ERG: variants seen among roughly 807,000 people sequenced by gnomAD.
The protein encoded by ERG is transcriptional regulator ERG.
ERG carries 9 observed loss-of-function variants against 55.3 expected under a neutral mutation model. The ratio of observed to expected loss-of-function variants is 0.16; its 90% confidence interval spans 0.10 to 0.28. ERG has a LOEUF of 0.28. Ranked by LOEUF, ERG falls within the 10% of genes least tolerant of loss-of-function variation. ERG has a pLI of 1.00. For synonymous variants in ERG, 223 were observed against 237.3 expected (o/e 0.94, Z 0.55); for missense variants, 434 against 631.6 (o/e 0.69, Z 3.35).
At chr21:38,420,030 G>GA (rs1569083366) in intron 3 of ERG, among the ~76,000 whole-genome samples, 1 of 137,542 alleles carries the variant, frequency 7.3e-6, no homozygotes, top group African/African-American at 3.0e-5. Flanking sequence ...AATAACTGAT[G>GA]GTTTTTTTTT....
chr21:38,503,315 T>C (rs2146703525), upstream of ERG, among the ~76,000 whole-genome samples: 1 of 152,200 alleles, frequency 6.6e-6, no homozygotes, highest in South Asian at 2.1e-4. Context: ...TCAAACCTTT[T>C]AGCATGCCCA....
chr21:38,629,026 A>G (rs141185204), intron 1 of ERG, among the ~76,000 whole-genome samples: 2 of 152,332 alleles, frequency 1.3e-5, no homozygotes, highest in Non-Finnish European at 2.9e-5. Flanking sequence ...GACCTGTTTT[A>G]GGCAATAACA....
At chr21:38,583,775 G>A (rs1297045458) in intron 1 of ERG, among the ~76,000 whole-genome samples, 2 of 152,192 alleles carry the variant, frequency 1.3e-5, no homozygotes, top group Non-Finnish European at 2.9e-5. Context: ...ATAGAAGGAC[G>A]ATGGTGTGAA....
chr21:38,418,173 A>T (rs1989365682), intron 3 of ERG, among the ~76,000 whole-genome samples: 1 of 152,288 alleles, frequency 6.6e-6, no homozygotes, highest in Non-Finnish European at 1.5e-5. Flanking sequence ...TCTAGATTAG[A>T]ACTTTTCAAC....
At chr21:38,542,825 C>A (rs577880073) in intron 2 of ERG, among the ~76,000 whole-genome samples, 1 of 152,046 alleles carries the variant, frequency 6.6e-6, no homozygotes, top group Admixed American at 6.5e-5. Flanking sequence ...GGGAAAATAC[C>A]CACAGACATA....
chr21:38,592,616 A>G (rs2060107879), intron 1 of ERG, among the ~76,000 whole-genome samples: 1 of 147,048 alleles, frequency 6.8e-6, no homozygotes, highest in African/African-American at 2.6e-5. Flanking sequence ...TGCTTTTCCT[A>G]TGTAAACTGC....
rs374960926 is a variant in ERG, at chr21:38,607,066, A to G, written c.-149-22121T>C. On this transcript the variant is annotated intron_variant, in intron 1 of 10. Transcript: ENST00000398910. Reference sequence around the variant, plus strand: ...GAGAATAGAATAAAGATTATCTACAAAGGAAACAACCTGATGGATACAAGA... The same window carrying G: ...GAGAATAGAATAAAGATTATCTACAGAGGAAACAACCTGATGGATACAAGA... 1.5e-3 allele frequency among the ~76,000 whole-genome samples: 222 copies of G among 152,336 alleles called. 1 individual carries two copies. The highest frequency in any genetic ancestry group is 4.9e-3 in the African/African-American group (202 of 41,576).
intron 5 of ERG, 49 bp downstream of exon 5, chr21:38,402,508 C>G (rs199923350): frequency 7.0e-7 from 1 of 1,420,934 alleles, no homozygotes; most frequent in South Asian, 1.2e-5. Context: ...GCAACCTGTA[C>G]GTAAGACCCT....
intron 2 of ERG, among the ~76,000 whole-genome samples, chr21:38,568,300 A>G (rs1242567161): frequency 6.6e-6 from 1 of 152,202 alleles, no homozygotes; most frequent in Non-Finnish European, 1.5e-5. Context: ...TTATATTGAC[A>G]ATACGTAATG....
chr21:38,561,760 C>T (rs2059894080), intron 2 of ERG, among the ~76,000 whole-genome samples: 1 of 152,122 alleles, frequency 6.6e-6, no homozygotes, highest in South Asian at 2.1e-4. Flanking sequence ...TATTATTGTT[C>T]GTTTTTCAAT....
chr21:38,653,488 T>C (rs534129025), intron 1 of ERG, among the ~76,000 whole-genome samples: 1 of 152,300 alleles, frequency 6.6e-6, no homozygotes, highest in South Asian at 2.1e-4. Context: ...TTTCCACCTG[T>C]AGGTATTTAT....
chr21:38,653,418 C>T (rs1773814021), intron 1 of ERG, among the ~76,000 whole-genome samples: 1 of 152,184 alleles, frequency 6.6e-6, no homozygotes, highest in African/African-American at 2.4e-5. Flanking sequence ...TGACTGCCCG[C>T]TGATCTCTGC....
At chr21:38,568,580 G>C (rs116010870) in intron 2 of ERG, among the ~76,000 whole-genome samples, 2,792 of 152,194 alleles carry the variant, frequency 0.018, 75 homozygotes, top group African/African-American at 0.064. Context: ...AACAAATCCT[G>C]GGTAAGCTGG....
chr21:38,399,068 G>A (rs1033187929), intron 6 of ERG, among the ~76,000 whole-genome samples: 14 of 152,064 alleles, frequency 9.2e-5, no homozygotes, highest in East Asian at 3.9e-4. Context: ...TTTTCCACTC[G>A]CAATACACGT....
At chr21:38,425,592 C>A (rs556492336) in intron 2 of ERG, among the ~76,000 whole-genome samples, 2 of 152,274 alleles carry the variant, frequency 1.3e-5, no homozygotes, top group East Asian at 3.9e-4. Context: ...CCAGAAATGC[C>A]TCTCAGGCTC....
At chr21:38,629,781 AT>A (rs2060346488) in intron 1 of ERG, among the ~76,000 whole-genome samples, 1 of 152,238 alleles carries the variant, frequency 6.6e-6, no homozygotes, top group African/African-American at 2.4e-5. Flanking sequence ...AAAAGCAGGA[AT>A]TCACACAGAT....
chr21:38,496,412 A>T (rs1424607838), intron 1 of ERG, among the ~76,000 whole-genome samples: 1 of 152,168 alleles, frequency 6.6e-6, no homozygotes, highest in East Asian at 1.9e-4. Flanking sequence ...CGTAATTGAA[A>T]CTGTAGTCAA....
intron 1 of ERG, among the ~76,000 whole-genome samples, chr21:38,479,010 A>G (rs1311944838): frequency 6.6e-6 from 1 of 152,190 alleles, no homozygotes; most frequent in Non-Finnish European, 1.5e-5. Context: ...TACCAAGTAA[A>G]ATGATGAGAT....
intron 1 of ERG, among the ~76,000 whole-genome samples, chr21:38,623,535 C>T (rs1013070): frequency 0.015 from 2,230 of 152,204 alleles, 61 homozygotes; most frequent in African/African-American, 0.051. Context: ...TTGCCCCATC[C>T]GGCAGTGTTG....
Sources: allele counts gnomAD v4.1 joint callset (sites outside exome capture counted in the v4.1 genomes callset), GRCh38; gene constraint gnomAD v4.1.1; transcripts MANE v1.5; gene names NCBI Gene and HGNC (gene_info 2026-07-23, HGNC 2026-07-21).